Variants in RAB7B observed in about 807,000 individuals in gnomAD.
The protein encoded by RAB7B is ras-related protein Rab-7b.
At chr1:205,994,943 C>T (rs1412057767) in intron 1 of RAB7B, among the ~76,000 whole-genome samples, 1 of 152,052 alleles carries the variant, frequency 6.6e-6, no homozygotes, top group Admixed American at 6.6e-5. Flanking sequence ...TAAATAGGAT[C>T]CTAGGATCCC....
chr1:205,980,315 A>G lies in RAB7B; in HGVS notation c.523-1387T>C, dbSNP rs1660466360. 2.6e-5 allele frequency among the ~76,000 whole-genome samples: 4 copies of G among 152,312 alleles called. No individual in the cohort carries two copies. In the South Asian group the frequency reaches 8.3e-4, roughly 32 times the overall value. On this transcript the variant is annotated intron_variant, in intron 5 of 5. Coordinates refer to ENST00000617070, the MANE Select transcript of RAB7B (RefSeq NM_001164522.3). The stretch of plus-strand genomic sequence containing the variant: ...GAGGTTTTCATGCTAGTGTTGCCCT[A>G]ATGACATCTGCACCCTCCCCGGGTG...
intron 5 of RAB7B, among the ~76,000 whole-genome samples, chr1:205,983,590 G>A (rs1660532978): frequency 6.6e-6 from 1 of 152,142 alleles, no homozygotes; most frequent in Non-Finnish European, 1.5e-5. Flanking sequence ...GAGAGGAAAT[G>A]GAAGCTCAGA....
At chr1:205,996,087 CTT>C (rs36183142) in intron 1 of RAB7B, among the ~76,000 whole-genome samples, 8,041 of 138,186 alleles carry the variant, frequency 0.058, 225 homozygotes, top group Admixed American at 0.068. Flanking sequence ...TTAATACATT[CTT>C]TTTTTTTTTT....
At chr1:205,997,660 T>C (rs1184776378) in intron 1 of RAB7B, among the ~76,000 whole-genome samples, 1 of 152,208 alleles carries the variant, frequency 6.6e-6, no homozygotes, top group Non-Finnish European at 1.5e-5. Flanking sequence ...CATTTTGTAA[T>C]GGATGCTGCT....
chr1:205,979,030 TC>T (rs1318386502), intron 5 of RAB7B, 102 bp from the exon 6 acceptor site: 10 of 394,424 alleles, frequency 2.5e-5, no homozygotes, highest in African/African-American at 1.9e-4. Flanking sequence ...TCTTGTTTCC[TC>T]CCCATTATAC....
intron 4 of RAB7B, among the ~76,000 whole-genome samples, chr1:205,991,755 T>C (rs972389131): frequency 3.9e-5 from 6 of 152,194 alleles, no homozygotes; most frequent in Non-Finnish European, 8.8e-5. Flanking sequence ...AAACAGCTCT[T>C]TTTGGTGGCA....
At chr1:205,989,531 G>A (rs1660680970) in intron 4 of RAB7B, among the ~76,000 whole-genome samples, 1 of 151,928 alleles carries the variant, frequency 6.6e-6, no homozygotes, top group Non-Finnish European at 1.5e-5. Context: ...ATCCTTTGCT[G>A]CCCTCAATCT....
chr1:205,982,276 C>G (rs890721690), intron 5 of RAB7B, among the ~76,000 whole-genome samples: 1 of 152,196 alleles, frequency 6.6e-6, no homozygotes, highest in African/African-American at 2.4e-5. Context: ...AGCTAGAAAC[C>G]TGGTCATCAG....
intron 1 of RAB7B, among the ~76,000 whole-genome samples, chr1:205,998,684 G>C (rs1660845891): frequency 6.6e-6 from 1 of 152,238 alleles, no homozygotes; most frequent in Non-Finnish European, 1.5e-5. Context: ...CAGGGCTGGA[G>C]TACGTCTCAC....
intron 1 of RAB7B, among the ~76,000 whole-genome samples, chr1:205,999,660 A>G (rs1177068578): frequency 1.3e-5 from 2 of 152,238 alleles, no homozygotes; most frequent in African/African-American, 2.4e-5. Flanking sequence ...ATTTGTACAG[A>G]TGATTACTAA....
intron 1 of RAB7B, 143 bp from the exon 2 acceptor site, chr1:205,994,294 C>T (rs1054502577): frequency 1.4e-3 from 549 of 389,236 alleles, no homozygotes; most frequent in African/African-American, 0.01. Flanking sequence ...GAAGGAGGCA[C>T]GTAATTCAGC....
intron 5 of RAB7B, chr1:205,984,277 T>C (rs1478835790): frequency 1.3e-5 from 2 of 152,250 alleles, no homozygotes; most frequent in African/African-American, 4.8e-5. Flanking sequence ...GGCCTGAGGA[T>C]GCCTAGCTGG....
intron 1 of RAB7B, among the ~76,000 whole-genome samples, chr1:205,999,108 C>T (rs1009657170): frequency 6.6e-5 from 10 of 152,304 alleles, no homozygotes; most frequent in Non-Finnish European, 8.8e-5. Flanking sequence ...ACTCACACGC[C>T]TTGCTCCATA....
intron 3 of RAB7B, 23 bp from the exon 4 acceptor site, chr1:205,992,718 C>T (rs1369758501): frequency 2.5e-6 from 1 of 398,838 alleles, no homozygotes; most frequent in Non-Finnish European, 4.4e-6. Flanking sequence ...GCAGTTGCCC[C>T]ATGGGGCTGT....
At chr1:205,997,320 T>A (rs1660823271) in intron 1 of RAB7B, among the ~76,000 whole-genome samples, 1 of 152,076 alleles carries the variant, frequency 6.6e-6, no homozygotes, top group Admixed American at 6.5e-5. Context: ...AGAGAGAAAG[T>A]ACACAGCACC....
At chr1:205,990,342 G>A (rs1660698342) in intron 4 of RAB7B, among the ~76,000 whole-genome samples, 1 of 152,208 alleles carries the variant, frequency 6.6e-6, no homozygotes, top group Non-Finnish European at 1.5e-5. Flanking sequence ...TGGTATTGAG[G>A]AGAGTCGTTA....
At chr1:205,983,888 C>T (rs1192119941) in intron 5 of RAB7B, 2 of 152,232 alleles carry the variant, frequency 1.3e-5, no homozygotes, top group African/African-American at 4.8e-5. Context: ...GTAGGAAGGA[C>T]ACCATTTGAA....
intron 1 of RAB7B, among the ~76,000 whole-genome samples, chr1:205,996,142 TAGTG>T (rs1660809736): frequency 1.1e-5 from 1 of 89,592 alleles, no homozygotes. Flanking sequence ...TGTAAATGTA[TAGTG>T]TGTGTGTGTG....
intron 1 of RAB7B, 126 bp from the exon 2 acceptor site, chr1:205,994,277 G>A (rs1307832830): frequency 2.5e-6 from 1 of 393,496 alleles, no homozygotes; most frequent in Non-Finnish European, 4.5e-6. Context: ...ACTGGGTGGG[G>A]TTCTCCGAAG....
Sources: gnomAD v4.1 joint callset for allele counts (sites outside exome capture counted in the v4.1 genomes callset) on GRCh38, gnomAD v4.1.1 for gene constraint, MANE v1.5 for transcripts, NCBI Gene and HGNC (gene_info 2026-07-23, HGNC 2026-07-21) for gene names.